Variants in OPCML observed in about 807,000 individuals in gnomAD.
OPCML encodes the protein opioid-binding protein/cell adhesion molecule.
Under a neutral mutation model 37.8 loss-of-function variants are expected in OPCML, and 13 were observed. That is an observed-to-expected ratio of 0.34 (90% confidence interval 0.22 to 0.55). The LOEUF (loss-of-function observed/expected upper bound fraction) is 0.55, where lower values mean the gene tolerates loss of function less well. Among genes scored for constraint, OPCML ranks in the 20% least tolerant of loss-of-function variants. The probability of loss-of-function intolerance (pLI) is 0.91; values close to 1 mark genes in which losing one functional copy is unlikely to be tolerated. For missense variants in OPCML, 341 were observed against 435.6 expected, an observed-to-expected ratio of 0.78 and a Z score of 1.93; for synonymous variants, 176 against 168.8, an observed-to-expected ratio of 1.04 and a Z score of -0.33.
chr11:132,621,958 G>T (rs892955720), intron 3 of OPCML, among the ~76,000 whole-genome samples: 1 of 152,076 alleles, frequency 6.6e-6, no homozygotes, highest in South Asian at 2.1e-4. Context: ...GAAAAGAACT[G>T]GTTTCCAATT....
rs941041716 is a variant in OPCML at position 132,661,390 on chromosome 11, G to T, written c.147-4071C>A. Among the ~76,000 whole-genome samples, 3 of 152,100 alleles carry T rather than the reference G, an allele frequency of 2.0e-5. 1 individual carries two copies. In the South Asian group the frequency reaches 6.2e-4, roughly 31 times the overall value. Reference sequence around the variant, plus strand: ...CTCATGATGTTGCTCTGCTTCAAAAGAAAATGTAGTTTCATGGCTTCATGC... The same window carrying T: ...CTCATGATGTTGCTCTGCTTCAAAATAAAATGTAGTTTCATGGCTTCATGC... On this transcript the variant is annotated intron_variant, in intron 2 of 7. Transcript: ENST00000524381.
At chr11:132,873,715 CAAA>C (rs34642015) in intron 2 of OPCML, among the ~76,000 whole-genome samples, 18,280 of 111,262 alleles carry the variant, frequency 0.16, 825 homozygotes, top group Non-Finnish European at 0.2. Flanking sequence ...CAGTTGGGCA[CAAA>C]AAAAAAAAAA....
At chr11:132,903,938 G>A (rs1476096105) in intron 2 of OPCML, among the ~76,000 whole-genome samples, 9 of 152,188 alleles carry the variant, frequency 5.9e-5, no homozygotes, top group African/African-American at 9.7e-5. Context: ...TTGATAGATG[G>A]CATTCTCTAT....
chr11:132,755,375 C>T (rs1394440694), intron 2 of OPCML, among the ~76,000 whole-genome samples: 1 of 152,148 alleles, frequency 6.6e-6, no homozygotes, highest in African/African-American at 2.4e-5. Context: ...CATTCCTTTA[C>T]ATCACCCAAT....
rs1442079718 is a variant in OPCML, at chr11:133,173,999, G to A, written c.62-230989C>T. Among the ~76,000 whole-genome samples the A allele has an allele frequency of 1.3e-5, 2 of 152,194 alleles. No individual in the cohort carries two copies. Among genetic ancestry groups the A allele is most frequent in the African/African-American group, 4.8e-5 (2 of 41,448 alleles). On this transcript the variant is annotated intron_variant, in intron 1 of 7. Transcript: ENST00000524381. The surrounding 1 kb of genome is among the most constrained non-coding windows in gnomAD (Gnocchi z 7.8). ...CACCGGGACGCTGACATAAATCAGG[G>A]GCAGCAACGGATGAGCATGGAGAAA...
intron 3 of OPCML, among the ~76,000 whole-genome samples, chr11:132,592,451 C>T (rs556728740): frequency 6.6e-6 from 1 of 152,340 alleles, no homozygotes; most frequent in Non-Finnish European, 1.5e-5. Context: ...GGTTGAGAGA[C>T]AGCAAAGGGC....
At chr11:132,863,516 C>T (rs1942395998) in intron 2 of OPCML, among the ~76,000 whole-genome samples, 1 of 151,188 alleles carries the variant, frequency 6.6e-6, no homozygotes, top group Admixed American at 6.6e-5. Context: ...TGGAGCCCTC[C>T]TGTCTCTCAG....
At chr11:132,485,462 A>G (rs2096196814) in intron 4 of OPCML, among the ~76,000 whole-genome samples, 1 of 152,184 alleles carries the variant, frequency 6.6e-6, no homozygotes, top group Non-Finnish European at 1.5e-5. Context: ...TGAACACTCA[A>G]GTAGCTACCT....
chr11:132,416,528 G>C lies in OPCML; in HGVS notation c.*3665C>G, dbSNP rs2095939183. 1 of 152,184 alleles carries C rather than the reference G, an allele frequency of 6.6e-6. No individual in the cohort carries two copies. Among genetic ancestry groups the C allele is most frequent in the Admixed American group, 6.5e-5 (1 of 15,280 alleles). The allele number at this position is 152,184 out of a possible 1,614,324, so 9.4% of individuals were successfully genotyped here. The stretch of plus-strand genomic sequence containing the variant: ...TTGTTGAAGGCAAATTGACTGAATT[G>C]ATGCAGAAAAAGATTCTGAAACCCA... On this transcript the variant is annotated 3_prime_UTR_variant, in exon 8 of 8. Transcript: ENST00000524381.
rs538044212 is a variant in OPCML at position 133,455,761 on chromosome 11, TACTAA to T, written c.61+76498_61+76502del. Among the ~76,000 whole-genome samples, 245 of 152,278 alleles carry T rather than the reference TACTAA, an allele frequency of 1.6e-3. 1 individual carries two copies. Among genetic ancestry groups the T allele is most frequent in the Non-Finnish European group, 2.5e-3 (173 of 68,028 alleles). Reference sequence around the variant, plus strand: ...ACATTAAATAAAATATCTGCAGATATACTAAAATGACTTTATATGAGCTCTGAAAA... The same window carrying T: ...ACATTAAATAAAATATCTGCAGATATAATGACTTTATATGAGCTCTGAAAA... On this transcript the variant is annotated intron_variant, in intron 1 of 7. Transcript: ENST00000524381.
chr11:132,702,521 TATA>T (rs1052042048), intron 2 of OPCML, among the ~76,000 whole-genome samples: 1 of 152,202 alleles, frequency 6.6e-6, no homozygotes, highest in Non-Finnish European at 1.5e-5. Context: ...AGAATTTGAT[TATA>T]ATGTGTCAAA....
At chr11:133,008,130 C>T (rs1163608583) in intron 1 of OPCML, 2 of 985,294 alleles carry the variant, frequency 2.0e-6, no homozygotes, top group Admixed American at 1.2e-4. Context: ...TTCTCCAAGC[C>T]TCTTGGGCAG....
At chr11:133,052,623 C>T (rs1948152121) in intron 1 of OPCML, among the ~76,000 whole-genome samples, 1 of 152,186 alleles carries the variant, frequency 6.6e-6, no homozygotes, top group Non-Finnish European at 1.5e-5. Flanking sequence ...GTTCTGCTGG[C>T]TCTGGAGCCA....
At chr11:133,406,584 T>C (rs1196650914) in intron 1 of OPCML, among the ~76,000 whole-genome samples, 1 of 152,192 alleles carries the variant, frequency 6.6e-6, no homozygotes, top group Non-Finnish European at 1.5e-5. Context: ...ATTGGATAAA[T>C]GCTGTCAGGA....
intron 1 of OPCML, among the ~76,000 whole-genome samples, chr11:133,181,563 ATCCT>A (rs939226392): frequency 3.3e-5 from 5 of 152,062 alleles, no homozygotes; most frequent in African/African-American, 1.2e-4. Flanking sequence ...CTCCAGGGTG[ATCCT>A]TCCTTCCTTC....
chr11:133,253,776 T>C (rs1239017700), intron 1 of OPCML, among the ~76,000 whole-genome samples: 1 of 149,370 alleles, frequency 6.7e-6, no homozygotes, highest in Non-Finnish European at 1.5e-5. Flanking sequence ...GAAGCATTGT[T>C]AAAGGTTAGC....
intron 2 of OPCML, among the ~76,000 whole-genome samples, chr11:132,913,561 T>G (rs911050310): frequency 1.3e-5 from 2 of 152,188 alleles, no homozygotes; most frequent in East Asian, 1.9e-4. Flanking sequence ...AGCAGAAAGA[T>G]GCACTGAGGC....
chr11:133,168,569 AAAATATGGTACAGTT>A (rs1489256566), intron 1 of OPCML, among the ~76,000 whole-genome samples: 1 of 152,218 alleles, frequency 6.6e-6, no homozygotes, highest in East Asian at 1.9e-4. Context: ...AAGTAAATAT[AAAATATGGTACAGTT>A]TATAAAATTT....
rs75512892 is a variant in OPCML, at chr11:133,041,494, A to T, written c.62-98484T>A. ...TTGTCAATTGCCTGGAAGCACTTTC[A>T]TCTAGAAGTAGATGAGGAATAACTT... On this transcript the variant is annotated intron_variant, in intron 1 of 7. Transcript: ENST00000524381. 5.4e-3 allele frequency among the ~76,000 whole-genome samples: 826 copies of T among 152,270 alleles called. 8 individuals are homozygous for T. The highest frequency in any genetic ancestry group is 0.018 in the African/African-American group (763 of 41,554).
Sources: allele counts gnomAD v4.1 joint callset (sites outside exome capture counted in the v4.1 genomes callset), GRCh38; gene constraint gnomAD v4.1.1; non-coding constraint Gnocchi (gnomAD v3.1); transcripts MANE v1.5; gene names NCBI Gene and HGNC (gene_info 2026-07-23, HGNC 2026-07-21).